GUCY1A1: variants seen among roughly 807,000 people sequenced by gnomAD.
The protein encoded by GUCY1A1 is guanylate cyclase 1 soluble subunit alpha 1, also known as guanylate cyclase soluble subunit alpha-1.
A neutral mutation model predicts 64.5 loss-of-function variants in GUCY1A1; 48 were observed. The observed-to-expected ratio is 0.74, with a 90% CI of 0.59 to 0.95. GUCY1A1 has a LOEUF of 0.95. Among genes scored for constraint, GUCY1A1 ranks in the 40% least tolerant of loss-of-function variants. GUCY1A1 has a pLI of 0.00. For missense variants in GUCY1A1, 804 were observed against 825.3 expected (o/e 0.97, Z 0.32); for synonymous variants, 308 against 303.4 (o/e 1.02, Z -0.16).
At position 155,708,288 on chromosome 4, in the gene GUCY1A1, G is replaced by T. The variant is rs144091002; in HGVS notation, c.370G>T (p.Ala124Ser). Residue 124 changes from alanine (A) to serine (S), a missense_variant, in exon 5 of 10, where the codon GCA becomes TCA. Physicochemically the swap from Ala to Ser is moderately conservative, Grantham distance 99. Transcript: ENST00000506455. ...FEKTIAEQAV[A>S]AGVPVEVIKE... ...AAAAACAATTGCAGAGCAAGCAGTTGCAGCAGGTAATAGAATTGTTTATGT... is the reference window on the plus strand; with the variant it reads ...AAAAACAATTGCAGAGCAAGCAGTTTCAGCAGGTAATAGAATTGTTTATGT... 2.0e-5 allele frequency: 30 copies of T among 1,527,950 alleles called. No individual in the cohort carries two copies. The highest frequency in any genetic ancestry group is 2.4e-5 in the Non-Finnish European group (26 of 1,102,554). 94.6% of individuals were successfully genotyped at this position (1,527,950 alleles called of 1,614,324 possible).
At chr4:155,701,115 C>T (rs907547840) in intron 3 of GUCY1A1, among the ~76,000 whole-genome samples, 1 of 152,086 alleles carries the variant, frequency 6.6e-6, no homozygotes, top group African/African-American at 2.4e-5. Context: ...ACTCGATGCA[C>T]CAGCAGCCTC....
intron 2 of GUCY1A1, among the ~76,000 whole-genome samples, chr4:155,682,048 C>A (rs1196131252): frequency 2.6e-5 from 4 of 152,102 alleles, no homozygotes; most frequent in Admixed American, 6.5e-5. Context: ...TTCCTCAGAT[C>A]TAGTGAGTTG....
chr4:155,690,394 C>T (rs1729575624), intron 2 of GUCY1A1, among the ~76,000 whole-genome samples: 1 of 152,184 alleles, frequency 6.6e-6, no homozygotes, highest in Admixed American at 6.5e-5. Flanking sequence ...ATCTGTCCTA[C>T]TCTGACCCAT....
In GUCY1A1 at chr4:155,735,591, G is replaced by A. The variant is rs1226246433; in HGVS notation, c.*5360G>A. On this transcript the variant is annotated 3_prime_UTR_variant, in exon 10 of 10. Coordinates refer to ENST00000506455, the MANE Select transcript of GUCY1A1 (RefSeq NM_001130682.3). Reference sequence around the variant, plus strand: ...AATTAAATCACAAATGAGCCTTCCAGATTGTGAGGAAAATTACTTGGCTGA... The same window carrying A: ...AATTAAATCACAAATGAGCCTTCCAAATTGTGAGGAAAATTACTTGGCTGA... The A allele has an allele frequency of 6.6e-6, 1 of 151,932 alleles. No individual in the cohort carries two copies. Among genetic ancestry groups the A allele is most frequent in the Non-Finnish European group, 1.5e-5 (1 of 67,932 alleles). 9.4% of individuals were successfully genotyped at this position (151,932 alleles called of 1,614,324 possible).
rs766618110 is a variant in GUCY1A1 at position 155,710,859 on chromosome 4, G to A, written c.694G>A (p.Glu232Lys). ...TCACGTATTATATGAAACGGAAGTG[G>A]AAGTGTCGTTAATGCCTCCCTGCTT... ...AAHVLYETEVEVSLMPPCFHN... is the reference protein window; with the variant it reads ...AAHVLYETEVKVSLMPPCFHN... Residue 232 changes from glutamate to lysine, a missense_variant, in exon 6 of 10, where the codon GAA becomes AAA. Glu to Lys is a moderately conservative substitution (Grantham distance 56, BLOSUM62 1). Coordinates refer to ENST00000506455, the MANE Select transcript of GUCY1A1 (RefSeq NM_001130682.3). 6.2e-7 allele frequency: 1 copy of A among 1,614,116 alleles called. No homozygotes were observed.
In GUCY1A1 at chr4:155,731,335, G is replaced by A. The variant is rs1735521249; in HGVS notation, c.*1104G>A. Reference sequence around the variant, plus strand: ...GAGTATTTGTGCTGAACATTTTGGTGTATGTCTATGAACTAAGAATCAAGT... The same window carrying A: ...GAGTATTTGTGCTGAACATTTTGGTATATGTCTATGAACTAAGAATCAAGT... On this transcript the variant is annotated 3_prime_UTR_variant, in exon 10 of 10. Transcript: ENST00000506455. 1 of 150,684 alleles carries A rather than the reference G, an allele frequency of 6.6e-6. No individual in the cohort carries two copies. 9.3% of individuals were successfully genotyped at this position (150,684 alleles called of 1,614,324 possible). A position where few individuals can be genotyped will look rare whatever the true frequency, so the allele number is the denominator to read the frequency against.
chr4:155,672,448 T>C (rs1446739529), intron 2 of GUCY1A1, among the ~76,000 whole-genome samples: 1 of 152,214 alleles, frequency 6.6e-6, no homozygotes, highest in Admixed American at 6.5e-5. Context: ...TAACTCTCTT[T>C]GAAGTTGACA....
chr4:155,704,451 C>T (rs1731476355), intron 4 of GUCY1A1, among the ~76,000 whole-genome samples: 2 of 152,004 alleles, frequency 1.3e-5, no homozygotes, highest in African/African-American at 4.8e-5. Context: ...AGCAGGTACC[C>T]CATCCCCAAC....
rs544300086 is a variant in GUCY1A1, at chr4:155,731,072, C to A, written c.*841C>A. 3.3e-5 allele frequency: 5 copies of A among 153,198 alleles called. No individual in the cohort carries two copies. The South Asian group carries it at 1.0e-3, about 32-fold the overall frequency. The allele number at this position is 153,198 out of a possible 1,614,324, so 9.5% of individuals were successfully genotyped here. ...TAAAATGCAGTAATACTATTCAAAT[C>A]TAATTTAGCTGGAAGCAACATGGGA... On this transcript the variant is annotated 3_prime_UTR_variant, in exon 10 of 10. Coordinates refer to ENST00000506455, the MANE Select transcript of GUCY1A1 (RefSeq NM_001130682.3).
chr4:155,700,014 C>A (rs556271562), intron 3 of GUCY1A1, among the ~76,000 whole-genome samples: 6 of 152,262 alleles, frequency 3.9e-5, no homozygotes, highest in East Asian at 1.9e-4. Flanking sequence ...AAATTTAGAT[C>A]TCTTGCTTAA....
chr4:155,679,769 A>T (rs951561951), intron 2 of GUCY1A1, among the ~76,000 whole-genome samples: 1 of 152,252 alleles, frequency 6.6e-6, no homozygotes, highest in African/African-American at 2.4e-5. Context: ...TGATGTGTGG[A>T]TAAAAGTTTA....
rs567267679 is a variant in GUCY1A1 at position 155,727,420 on chromosome 4, G to A, written c.1872-2610G>A. ...GTCCCACAAACAGCACTTACCAGAC[G>A]TGCAATCTAGAGCAATGCCCTTAAT... On this transcript the variant is annotated intron_variant, in intron 9 of 9. Transcript: ENST00000506455. 7.2e-5 allele frequency among the ~76,000 whole-genome samples: 11 copies of A among 151,948 alleles called. No homozygotes were observed. In the East Asian group the frequency reaches 1.7e-3, roughly 24 times the overall value.
chr4:155,681,827 C>T (rs1735815222), intron 2 of GUCY1A1, among the ~76,000 whole-genome samples: 1 of 152,146 alleles, frequency 6.6e-6, no homozygotes, highest in African/African-American at 2.4e-5. Flanking sequence ...GGGAGGAGCA[C>T]AAATTCATCT....
In GUCY1A1 at chr4:155,733,901, T is replaced by G. The variant is rs1226569762; in HGVS notation, c.*3670T>G. ...CTGTTTATACATCAAGGGAAAATGA[T>G]TCATTTTATATCCTGGATATTTTAC... On this transcript the variant is annotated 3_prime_UTR_variant, in exon 10 of 10. Coordinates refer to ENST00000506455, the MANE Select transcript of GUCY1A1 (RefSeq NM_001130682.3). Among the ~76,000 whole-genome samples the G allele has an allele frequency of 6.6e-6, 1 of 151,840 alleles. No homozygotes were observed. The highest frequency in any genetic ancestry group is 1.5e-5 in the Non-Finnish European group (1 of 67,866).
At chr4:155,681,182 T>TA (rs1238901614) in intron 2 of GUCY1A1, among the ~76,000 whole-genome samples, 6 of 152,200 alleles carry the variant, frequency 3.9e-5, no homozygotes, top group African/African-American at 1.4e-4. Flanking sequence ...TCTGATGGGT[T>TA]AAAAAAATTA....
At position 155,730,159 on chromosome 4, in the gene GUCY1A1, A is replaced by G; in HGVS notation, c.2001A>G (p.Lys667=). 6.2e-7 allele frequency: 1 copy of G among 1,611,910 alleles called. No homozygotes were observed. The highest frequency in any genetic ancestry group is 8.5e-7 in the Non-Finnish European group (1 of 1,178,500). The change falls in exon 10 of 10, where the codon AAA becomes AAG. Residue 667 remains lysine, a synonymous_variant. Transcript: ENST00000506455. ...CTTACCAACAAGGAACAAACTCAAA[A>G]CCATGCTTCCAAAAGAAAGATGTGG... The part of the protein sequence containing the change: ...LDAYQQGTNS[K]PCFQKKDVED...
chr4:155,677,839 G>A (rs1233014485), intron 2 of GUCY1A1, among the ~76,000 whole-genome samples: 3 of 144,980 alleles, frequency 2.1e-5, no homozygotes, highest in East Asian at 2.2e-4. Flanking sequence ...CTGACAGAGC[G>A]AGATTCCATT....
chr4:155,727,687 A>C (rs916343345), intron 9 of GUCY1A1, among the ~76,000 whole-genome samples: 1 of 151,812 alleles, frequency 6.6e-6, no homozygotes, highest in African/African-American at 2.4e-5. Flanking sequence ...AAAACAAAGC[A>C]AACAAGATGA....
At chr4:155,721,121 A>C (rs1412142437) in intron 8 of GUCY1A1, among the ~76,000 whole-genome samples, 1 of 152,100 alleles carries the variant, frequency 6.6e-6, no homozygotes, top group East Asian at 1.9e-4. Flanking sequence ...AAACTTATCC[A>C]GGTGTGATGG....
Sources: allele counts gnomAD v4.1 joint callset (sites outside exome capture counted in the v4.1 genomes callset), GRCh38; gene constraint gnomAD v4.1.1; transcripts MANE v1.5; gene names NCBI Gene and HGNC (gene_info 2026-07-23, HGNC 2026-07-21).